MAGI2: variants seen among roughly 807,000 people sequenced by gnomAD.
MAGI2 encodes the protein membrane-associated guanylate kinase, WW and PDZ domain-containing protein 2.
Under a neutral mutation model 133.3 loss-of-function variants are expected in MAGI2, and 35 were observed. That is an observed-to-expected ratio of 0.26 (90% CI 0.20 to 0.35). The LOEUF (loss-of-function observed/expected upper bound fraction) is 0.35. Among genes scored for constraint, MAGI2 ranks in the 10% least tolerant of loss-of-function variants. The pLI, the probability that MAGI2 is intolerant of heterozygous loss-of-function variation, is 1.00. For missense variants in MAGI2, 1,636 were observed against 1,863.4 expected (o/e 0.88, Z 2.25); for synonymous variants, 729 against 710.6 (o/e 1.03, Z -0.41).
chr7:78,791,737 A>G (rs1471617225), intron 2 of MAGI2, among the ~76,000 whole-genome samples: 1 of 151,894 alleles, frequency 6.6e-6, no homozygotes, highest in Non-Finnish European at 1.5e-5. Flanking sequence ...TTTAGTAGAG[A>G]CAGGGTTTCA....
chr7:79,097,454 G>A (rs1263911463), intron 1 of MAGI2, among the ~76,000 whole-genome samples: 3 of 152,168 alleles, frequency 2.0e-5, no homozygotes, highest in Non-Finnish European at 2.9e-5. Context: ...GAATGAGAAA[G>A]CTTCCTGCTG....
chr7:78,720,444 C>T (rs532451975), intron 2 of MAGI2, among the ~76,000 whole-genome samples: 69 of 152,138 alleles, frequency 4.5e-4, no homozygotes, highest in African/African-American at 1.5e-3. Flanking sequence ...GTAAGTGAAG[C>T]TGACATTTAA....
intron 7 of MAGI2, chr7:78,350,637 C>T (rs2151202475): frequency 6.6e-6 from 1 of 152,304 alleles, no homozygotes; most frequent in South Asian, 2.1e-4. Flanking sequence ...AAGTTTCAGA[C>T]AAGCACTGAG....
At chr7:79,167,689 T>A (rs1391505190) in intron 1 of MAGI2, among the ~76,000 whole-genome samples, 1 of 151,662 alleles carries the variant, frequency 6.6e-6, no homozygotes, top group African/African-American at 2.4e-5. Context: ...ACACTCTTTA[T>A]CCCCAGTGAC....
Position 79,317,405 on chromosome 7 carries a change from A to G in MAGI2, c.301+135615T>C, listed in dbSNP as rs577890062. On this transcript the variant is annotated intron_variant, in intron 1 of 21. Coordinates refer to ENST00000354212, the MANE Select transcript of MAGI2 (RefSeq NM_012301.4). ...TGAGATGCCAAACTGAAGTCAGAGTATATAATGCACTGACTGTCCAATAGA... is the reference window on the plus strand; with the variant it reads ...TGAGATGCCAAACTGAAGTCAGAGTGTATAATGCACTGACTGTCCAATAGA... Among the ~76,000 whole-genome samples the G allele has an allele frequency of 9.9e-5, 15 of 152,284 alleles. 2 individuals carry two copies. The South Asian group carries it at 3.1e-3, about 32-fold the overall frequency.
At chr7:79,303,121 T>C (rs1837511085) in intron 1 of MAGI2, among the ~76,000 whole-genome samples, 1 of 152,122 alleles carries the variant, frequency 6.6e-6, no homozygotes, top group African/African-American at 2.4e-5. Context: ...CCATATACAA[T>C]TTCCTTTAAA....
intron 3 of MAGI2, among the ~76,000 whole-genome samples, chr7:78,566,093 A>G (rs1800913874): frequency 6.6e-6 from 1 of 152,192 alleles, no homozygotes; most frequent in African/African-American, 2.4e-5. Context: ...AGGGGAATTG[A>G]GAAAGTCAGA....
chr7:78,746,918 A>G (rs182370948), intron 2 of MAGI2, among the ~76,000 whole-genome samples: 1 of 152,364 alleles, frequency 6.6e-6, no homozygotes, highest in Admixed American at 6.5e-5. Flanking sequence ...TTACAATAAA[A>G]GATGAAATAA....
intron 3 of MAGI2, chr7:78,617,323 G>A (rs532531581): frequency 6.6e-6 from 1 of 152,172 alleles, no homozygotes; most frequent in East Asian, 1.9e-4. Context: ...ATTTAAATTT[G>A]TGCTTTCTGC....
chr7:78,090,327 G>A (rs1454106170), intron 20 of MAGI2, among the ~76,000 whole-genome samples: 1 of 152,202 alleles, frequency 6.6e-6, no homozygotes, highest in African/African-American at 2.4e-5. Context: ...CTTGGAAAGA[G>A]GGAGTGTATC....
chr7:78,241,234 G>A (rs2150906849), intron 10 of MAGI2, among the ~76,000 whole-genome samples: 1 of 152,124 alleles, frequency 6.6e-6, no homozygotes, highest in South Asian at 2.1e-4. Flanking sequence ...TTGGGAAACT[G>A]ACAAAATATA....
At chr7:79,295,569 A>G (rs1836865466) in intron 1 of MAGI2, among the ~76,000 whole-genome samples, 1 of 151,976 alleles carries the variant, frequency 6.6e-6, no homozygotes, top group Non-Finnish European at 1.5e-5. Flanking sequence ...AATGGTTAAT[A>G]TACTTCCTAT....
intron 1 of MAGI2, among the ~76,000 whole-genome samples, chr7:79,320,009 G>C (rs895631426): frequency 1.3e-5 from 2 of 152,166 alleles, no homozygotes; most frequent in African/African-American, 4.8e-5. Flanking sequence ...TTAAGTAACA[G>C]AATTGATTGG....
At chr7:79,067,225 T>TCTTC (rs1428838506) in intron 1 of MAGI2, among the ~76,000 whole-genome samples, 5 of 152,238 alleles carry the variant, frequency 3.3e-5, no homozygotes, top group Non-Finnish European at 7.3e-5. Context: ...TGATATTGAT[T>TCTTC]CTTCCTATCC....
At chr7:78,477,169 G>T (rs1352317651) in intron 6 of MAGI2, among the ~76,000 whole-genome samples, 1 of 151,684 alleles carries the variant, frequency 6.6e-6, no homozygotes, top group Non-Finnish European at 1.5e-5. Flanking sequence ...TTTCTGCATT[G>T]TTGAGCAAAC....
intron 2 of MAGI2, among the ~76,000 whole-genome samples, chr7:78,996,943 G>A (rs1426456248): frequency 2.1e-5 from 3 of 146,216 alleles, no homozygotes; most frequent in South Asian, 2.2e-4. Context: ...GAAATGTAGT[G>A]CCCGAGTCAT....
chr7:78,452,171 T>C (rs1788794663), intron 6 of MAGI2, among the ~76,000 whole-genome samples: 1 of 152,072 alleles, frequency 6.6e-6, no homozygotes, highest in Non-Finnish European at 1.5e-5. Context: ...GGTATTATTA[T>C]CCATACTTTA....
intron 1 of MAGI2, among the ~76,000 whole-genome samples, chr7:79,249,452 G>A (rs1329672990): frequency 6.6e-6 from 1 of 151,610 alleles, no homozygotes; most frequent in Non-Finnish European, 1.5e-5. Context: ...TAAAATCCAG[G>A]TTAATAAAAA....
chr7:79,159,339 C>T (rs1189951025), intron 1 of MAGI2, among the ~76,000 whole-genome samples: 1 of 151,692 alleles, frequency 6.6e-6, no homozygotes, highest in Non-Finnish European at 1.5e-5. Flanking sequence ...CATGGTGAAA[C>T]CTTGTCTCTA....
Sources: gnomAD v4.1 joint callset for allele counts (sites outside exome capture counted in the v4.1 genomes callset) on GRCh38, gnomAD v4.1.1 for gene constraint, MANE v1.5 for transcripts, NCBI Gene and HGNC (gene_info 2026-07-23, HGNC 2026-07-21) for gene names.